The following INSL6 variants were observed in gnomAD, a reference collection of about 807,000 sequenced individuals.
INSL6 encodes the protein insulin-like peptide INSL6.
INSL6 carries 16 observed loss-of-function variants against 9.4 expected under a neutral mutation model. The ratio of observed to expected loss-of-function variants is 1.70; its 90% CI spans 1.15 to 2.59. INSL6 has a LOEUF of 2.59. Ranked by LOEUF, INSL6 falls within the 30% of genes most tolerant of loss-of-function variation. INSL6 has a pLI of 0.00. For synonymous variants in INSL6, 154 were observed against 96.9 expected (o/e 1.59, Z -3.46); for missense variants, 391 against 257.3 (o/e 1.52, Z -3.56).
chr9:5,005,083 A>ATTTTTTTT, the INSL6 span, among the ~76,000 whole-genome samples: 1 of 40,034 alleles, frequency 2.5e-5, no homozygotes, highest in Non-Finnish European at 4.5e-5. Flanking sequence ...TGCCTGGCTA[A>ATTTTTTTT]TTTTTTTTTT....
the INSL6 span, chr9:5,090,932 T>C: frequency 6.6e-7 from 1 of 1,506,838 alleles, no homozygotes; most frequent in Non-Finnish European, 9.0e-7. Context: ...TTCAGTATGA[T>C]AAATGAAATT....
intron 1 of INSL6, among the ~76,000 whole-genome samples, chr9:5,174,979 G>A (rs556786555): frequency 1.2e-4 from 18 of 150,092 alleles, no homozygotes; most frequent in Non-Finnish European, 1.5e-4. Context: ...TCGCTCTGGC[G>A]CCCAGGCTGG....
chr9:5,016,500 A>G, the INSL6 span, among the ~76,000 whole-genome samples: 1 of 152,226 alleles, frequency 6.6e-6, no homozygotes. Flanking sequence ...AAAATAGTCA[A>G]CAAAATTAAA....
the INSL6 span, among the ~76,000 whole-genome samples, chr9:5,047,572 T>C: frequency 3.9e-5 from 6 of 152,382 alleles, no homozygotes; most frequent in East Asian, 1.2e-3. Flanking sequence ...GACTGTTTTT[T>C]ATTTCCCTGG....
At chr9:5,175,680 G>T (rs1825285902) in intron 1 of INSL6, among the ~76,000 whole-genome samples, 1 of 152,150 alleles carries the variant, frequency 6.6e-6, no homozygotes, top group South Asian at 2.1e-4. Context: ...CCTCCTGTCA[G>T]ATCAGGGACA....
the INSL6 span, among the ~76,000 whole-genome samples, chr9:5,013,190 T>A: frequency 1.1e-4 from 17 of 152,206 alleles, no homozygotes; most frequent in African/African-American, 4.1e-4. Context: ...AGCACTTTTT[T>A]TCTAATAACT....
At chr9:5,123,216 A>G, downstream of INSL6, 3 of 731,116 alleles carry the variant, frequency 4.1e-6, no homozygotes, top group Non-Finnish European at 7.0e-6. Flanking sequence ...ACATGCATAC[A>G]TTGCATAGTG....
chr9:5,037,766 T>C, the INSL6 span, among the ~76,000 whole-genome samples: 1 of 152,002 alleles, frequency 6.6e-6, no homozygotes, highest in East Asian at 1.9e-4. Context: ...AAATGACGAG[T>C]TACTGGGTGC....
chr9:5,044,724 G>GT, the INSL6 span, among the ~76,000 whole-genome samples: 2 of 152,188 alleles, frequency 1.3e-5, no homozygotes, highest in Admixed American at 6.5e-5. Context: ...ATTTTATAAA[G>GT]TTTTTTTGGA....
At chr9:5,170,835 G>A (rs1427988004) in intron 1 of INSL6, among the ~76,000 whole-genome samples, 2 of 152,114 alleles carry the variant, frequency 1.3e-5, no homozygotes, top group African/African-American at 2.4e-5. Context: ...TTCTGAAATT[G>A]AGGCAGTAAT....
intron 2 of INSL6, among the ~76,000 whole-genome samples, chr9:5,136,206 T>C (rs1364948083): frequency 2.0e-5 from 3 of 152,158 alleles, no homozygotes; most frequent in Non-Finnish European, 4.4e-5. Flanking sequence ...AGAGGACCAG[T>C]ACCATTCCTT....
At chr9:5,007,122 T>C in the INSL6 span, among the ~76,000 whole-genome samples, 1 of 152,156 alleles carries the variant, frequency 6.6e-6, no homozygotes, top group African/African-American at 2.4e-5. Flanking sequence ...TTTTCTCTGA[T>C]TTCTGCTCTT....
downstream of INSL6, among the ~76,000 whole-genome samples, chr9:5,159,539 A>G (rs1286251592): frequency 1.3e-5 from 2 of 152,300 alleles, no homozygotes; most frequent in East Asian, 1.9e-4. Flanking sequence ...CAAGACAAAA[A>G]CTATAAAAAG....
chr9:5,053,153 T>G, the INSL6 span, among the ~76,000 whole-genome samples: 491 of 152,208 alleles, frequency 3.2e-3, 8 homozygotes, highest in Admixed American at 0.03. Context: ...TGTTTCTGTC[T>G]GTATTTTATC....
At chr9:5,081,258 T>TA in the INSL6 span, among the ~76,000 whole-genome samples, 1 of 93,282 alleles carries the variant, frequency 1.1e-5, no homozygotes, top group South Asian at 3.0e-4. Flanking sequence ...TAAATTATAG[T>TA]ATTTTTTTTT....
At chr9:5,089,571 TCTG>T in the INSL6 span, 41 of 275,782 alleles carry the variant, frequency 1.5e-4, no homozygotes, top group East Asian at 2.4e-3. Context: ...AAAAAGACAG[TCTG>T]CTAATTCCAG....
the INSL6 span, among the ~76,000 whole-genome samples, chr9:5,083,194 A>T: frequency 7.0e-6 from 1 of 142,928 alleles, no homozygotes; most frequent in Admixed American, 6.9e-5. Flanking sequence ...GCCTTTAGTT[A>T]TCTCAGGGAG....
At chr9:5,096,183 A>G in the INSL6 span, among the ~76,000 whole-genome samples, 1 of 152,268 alleles carries the variant, frequency 6.6e-6, no homozygotes, top group South Asian at 2.1e-4. Context: ...TCAAAAACAC[A>G]AAACCCATAT....
chr9:5,162,617 C>T (rs531238404), downstream of INSL6, among the ~76,000 whole-genome samples: 1 of 152,270 alleles, frequency 6.6e-6, no homozygotes, highest in East Asian at 1.9e-4. Flanking sequence ...TACCACTGAA[C>T]CGTAATATAA....
Sources: allele counts gnomAD v4.1 joint callset (sites outside exome capture counted in the v4.1 genomes callset), GRCh38; gene constraint gnomAD v4.1.1; transcripts MANE v1.5; gene names NCBI Gene and HGNC (gene_info 2026-07-23, HGNC 2026-07-21).